The following S100PBP variants were observed in gnomAD, a reference collection of about 807,000 sequenced individuals.
The protein encoded by S100PBP is S100P-binding protein.
In S100PBP, 15 loss-of-function variants were observed where a neutral mutation model predicts 39.9. The observed-to-expected ratio is 0.38, with a 90% CI of 0.25 to 0.58. S100PBP has a LOEUF of 0.58. Ranked by LOEUF, S100PBP falls within the 20% of genes least tolerant of loss-of-function variation. The pLI is 0.70. For missense variants in S100PBP, 504 were observed against 487.3 expected, an observed-to-expected ratio of 1.03 and a Z score of -0.32; for synonymous variants, 178 against 180.3, an observed-to-expected ratio of 0.99 and a Z score of 0.10.
At chr1:32,852,965 G>C (rs1028951822) in intron 5 of S100PBP, 114 bp from the exon 6 acceptor site, 2 of 694,764 alleles carry the variant, frequency 2.9e-6, no homozygotes, top group Non-Finnish European at 2.6e-6. Flanking sequence ...ATAATTGTAA[G>C]TATATATTGT....
chr1:32,817,576 T>G, upstream of S100PBP: 1 of 485,004 alleles, frequency 2.1e-6, no homozygotes, highest in East Asian at 3.6e-5. Context: ...GCCCTCCCCC[T>G]GGTGTTGGCC....
At chr1:32,822,364 G>A (rs1290307215) in intron 1 of S100PBP, among the ~76,000 whole-genome samples, 4 of 152,184 alleles carry the variant, frequency 2.6e-5, no homozygotes, top group Non-Finnish European at 5.9e-5. Context: ...TGTAATCCCA[G>A]CACTTTGGGA....
chr1:32,828,209 C>T, intron 4 of S100PBP, 128 bp downstream of exon 4: 2 of 570,228 alleles, frequency 3.5e-6, no homozygotes, highest in Non-Finnish European at 6.3e-6. Flanking sequence ...ACTTGAAGTT[C>T]TAGCACTACC....
At chr1:32,828,735 TCA>T (rs1192138514) in intron 4 of S100PBP, among the ~76,000 whole-genome samples, 9 of 152,170 alleles carry the variant, frequency 5.9e-5, no homozygotes, top group African/African-American at 2.2e-4. Context: ...GCGCGGTGGC[TCA>T]CACCTGTAAT....
intron 3 of S100PBP, among the ~76,000 whole-genome samples, chr1:32,827,438 C>T (rs1006479806): frequency 1.3e-5 from 2 of 152,004 alleles, no homozygotes; most frequent in South Asian, 2.1e-4. Flanking sequence ...TTTTTGAGCC[C>T]GATTCCCTAT....
chr1:32,853,637 G>A (rs112910053), intron 6 of S100PBP, among the ~76,000 whole-genome samples: 8,175 of 151,872 alleles, frequency 0.054, 599 homozygotes, highest in African/African-American at 0.17. Context: ...AGTAGCTCAC[G>A]CCTGTAATTC....
In S100PBP at chr1:32,826,799, C is replaced by G. The variant is rs764616823; in HGVS notation, c.700C>G (p.Pro234Ala). The G allele has an allele frequency of 9.9e-6, 16 of 1,613,966 alleles. No individual in the cohort carries two copies. Among genetic ancestry groups the G allele is most frequent in the Non-Finnish European group, 1.4e-5 (16 of 1,179,884 alleles). Reference protein sequence around the residue: ...SDKNMPDSENPTSVFSRISDH... With the variant: ...SDKNMPDSENATSVFSRISDH... Reference sequence around the variant, plus strand: ...TAAAAATATGCCTGACAGTGAGAACCCTACGTCTGTATTCTCTCGGATCTC... The same window carrying G: ...TAAAAATATGCCTGACAGTGAGAACGCTACGTCTGTATTCTCTCGGATCTC... The change falls in exon 3 of 7, where the codon CCT becomes GCT. Residue 234 changes from proline (P) to alanine (A), a missense_variant. Transcript: ENST00000373475.
At chr1:32,848,693 CCGT>C (rs1640486047) in intron 5 of S100PBP, among the ~76,000 whole-genome samples, 1 of 152,164 alleles carries the variant, frequency 6.6e-6, no homozygotes, top group East Asian at 1.9e-4. Flanking sequence ...TCAGCATTAT[CCGT>C]CCTCCTCCAT....
At position 32,826,895 on chromosome 1, in the gene S100PBP, A is replaced by G. The variant is rs138027490; in HGVS notation, c.796A>G (p.Met266Val). ...NGGSHKSSCE[M>V]RSLVVSTSSN... ...TGGTTCACACAAGTCAAGTTGTGAA[A>G]TGAGATCTCTGGTTGTTTCCACCTC... Residue 266 changes from methionine (M) to valine (V), a missense_variant, in exon 3 of 7, where the codon ATG becomes GTG. Transcript: ENST00000373475. 1 of 1,602,634 alleles carries G rather than the reference A, an allele frequency of 6.2e-7. No individual in the cohort carries two copies. The highest frequency in any genetic ancestry group is 1.3e-5 in the African/African-American group (1 of 74,276).
Position 32,830,048 on chromosome 1 carries a change from C to T in S100PBP, c.1005C>T (p.Asp335=). Residue 335 remains aspartate, a synonymous_variant, in exon 5 of 7, where the codon GAC becomes GAT. Transcript: ENST00000373475. ...YLRSVIAHIE[D]PEDTNQGISG... is the part of the protein sequence containing the mutation. ...GGAGTGTCATTGCTCATATAGAAGA[C>T]CCAGAGGACACTAACCAAGGTAACA... 2 of 1,609,324 alleles carry T rather than the reference C, an allele frequency of 1.2e-6. No homozygotes were observed. The highest frequency in any genetic ancestry group is 8.5e-7 in the Non-Finnish European group (1 of 1,175,832).
At chr1:32,831,677 TG>T (rs1264125253) in intron 5 of S100PBP, among the ~76,000 whole-genome samples, 1 of 152,074 alleles carries the variant, frequency 6.6e-6, no homozygotes, top group Admixed American at 6.6e-5. Flanking sequence ...ATTTTAGGTC[TG>T]ATAGAAGTAG....
intron 5 of S100PBP, chr1:32,847,643 TTTC>T (rs1430126994): frequency 6.6e-6 from 1 of 152,230 alleles, no homozygotes; most frequent in Non-Finnish European, 1.5e-5. Context: ...ATAACTCCTG[TTTC>T]TTCTACTTTT....
chr1:32,817,391 C>T (rs550070729), upstream of S100PBP: 5 of 974,564 alleles, frequency 5.1e-6, no homozygotes, highest in South Asian at 4.1e-5. Context: ...GGCCTGGACC[C>T]CTCCGGCAGC....
At chr1:32,845,057 C>T (rs950206133) in intron 5 of S100PBP, among the ~76,000 whole-genome samples, 2 of 150,858 alleles carry the variant, frequency 1.3e-5, no homozygotes, top group African/African-American at 2.4e-5. Flanking sequence ...GGTGGAGTCT[C>T]GCTGTTGCCC....
In S100PBP at chr1:32,853,163, C is replaced by G; in HGVS notation, c.1109C>G (p.Thr370Arg). 1 of 1,606,116 alleles carries G rather than the reference C, an allele frequency of 6.2e-7. No homozygotes were observed. The highest frequency in any genetic ancestry group is 8.5e-7 in the Non-Finnish European group (1 of 1,174,896). The change falls in exon 6 of 7, where the codon ACG (threonine) becomes AGG (arginine). Residue 370 changes from threonine (T) to arginine (R), a missense_variant. Coordinates refer to ENST00000373475, the MANE Select transcript of S100PBP (RefSeq NM_022753.4). The stretch of plus-strand genomic sequence containing the variant: ...TGGCAGCATCCTTCGGACCTCACCA[C>G]GCGGTGAGTGGGTGATTAGAAGAAG... ...SKWQHPSDLT[T>R]RNYARRQKHL...
intron 6 of S100PBP, among the ~76,000 whole-genome samples, chr1:32,853,574 G>A (rs1372762753): frequency 6.6e-6 from 1 of 151,918 alleles, no homozygotes; most frequent in Admixed American, 6.6e-5. Context: ...CAAGAGGCAG[G>A]GGGAAAAAGT....
intron 6 of S100PBP, among the ~76,000 whole-genome samples, chr1:32,853,721 C>G (rs1640716340): frequency 6.6e-6 from 1 of 151,984 alleles, no homozygotes; most frequent in African/African-American, 2.4e-5. Context: ...CAATGTGAGA[C>G]CCCGTCGCTA....
intron 5 of S100PBP, among the ~76,000 whole-genome samples, chr1:32,832,698 A>G (rs974531015): frequency 6.6e-6 from 1 of 152,216 alleles, no homozygotes; most frequent in African/African-American, 2.4e-5. Context: ...CCAGAAGCAC[A>G]AAAGGGGAGC....
intron 4 of S100PBP, among the ~76,000 whole-genome samples, chr1:32,829,229 A>G (rs1286614215): frequency 6.6e-6 from 1 of 152,170 alleles, no homozygotes; most frequent in East Asian, 1.9e-4. Context: ...GTCAGTCAGT[A>G]TGAGTATGGG....
Sources: allele counts gnomAD v4.1 joint callset (sites outside exome capture counted in the v4.1 genomes callset), GRCh38; gene constraint gnomAD v4.1.1; transcripts MANE v1.5; gene names NCBI Gene and HGNC (gene_info 2026-07-23, HGNC 2026-07-21).